Variants in CREB5 observed in about 807,000 individuals in gnomAD.
CREB5 encodes the protein cyclic AMP-responsive element-binding protein 5.
CREB5 carries 19 observed loss-of-function variants against 57.1 expected under a neutral mutation model. The ratio of observed to expected loss-of-function variants is 0.33; its 90% CI spans 0.23 to 0.49. The LOEUF is 0.49. Among genes scored for constraint, CREB5 ranks in the 20% least tolerant of loss-of-function variants. The probability of loss-of-function intolerance (pLI) is 0.99; values close to 1 mark genes in which losing one functional copy is unlikely to be tolerated. For missense variants in CREB5, 579 were observed against 671.6 expected (o/e 0.86, Z 1.52); for synonymous variants, 238 against 238.3 (o/e 1.00, Z 0.01).
At chr7:28,551,665 C>CGAGACCTGACCAAGGTTGCTTGGTGA (rs1554342047) in intron 4 of CREB5, among the ~76,000 whole-genome samples, 1 of 152,090 alleles carries the variant, frequency 6.6e-6, no homozygotes. Context: ...TGAGTGGTCC[C>CGAGACCTGACCAAGGTTGCTTGGTGA]GAGACCTGAC....
At chr7:28,496,563 C>A (rs758612752) in intron 3 of CREB5, among the ~76,000 whole-genome samples, 5 of 152,114 alleles carry the variant, frequency 3.3e-5, no homozygotes, top group African/African-American at 4.8e-5. Flanking sequence ...GATGAGGGCC[C>A]TTGATCCTGC....
intron 4 of CREB5, among the ~76,000 whole-genome samples, chr7:28,508,420 T>C (rs544577316): frequency 6.6e-6 from 1 of 152,356 alleles, no homozygotes; most frequent in African/African-American, 2.4e-5. Flanking sequence ...TACAGCATTA[T>C]TGAATGCCCA....
At chr7:28,697,124 C>T (rs575157961) in intron 5 of CREB5, among the ~76,000 whole-genome samples, 17 of 152,030 alleles carry the variant, frequency 1.1e-4, no homozygotes, top group Middle Eastern at 3.4e-3. Context: ...ATTTTTACTG[C>T]GTATAACATT....
At chr7:28,326,208 T>C (rs201908549) in intron 1 of CREB5, among the ~76,000 whole-genome samples, 46 of 120,062 alleles carry the variant, frequency 3.8e-4, no homozygotes, top group Admixed American at 2.3e-3. Context: ...TATCTATCTA[T>C]CTACCTATCT....
chr7:28,677,181 T>C (rs1455501788), intron 5 of CREB5, among the ~76,000 whole-genome samples: 2 of 152,218 alleles, frequency 1.3e-5, no homozygotes, highest in Non-Finnish European at 2.9e-5. Context: ...ATATATTTTT[T>C]TCATTTACGT....
intron 1 of CREB5, among the ~76,000 whole-genome samples, chr7:28,441,799 G>T (rs921679610): frequency 1.3e-5 from 2 of 152,078 alleles, no homozygotes; most frequent in Admixed American, 1.3e-4. Flanking sequence ...TATAAGTCAA[G>T]CTCTTTATGG....
chr7:28,351,527 A>G (rs563781386), intron 1 of CREB5, among the ~76,000 whole-genome samples: 1 of 152,316 alleles, frequency 6.6e-6, no homozygotes, highest in South Asian at 2.1e-4. Context: ...CTTCCCATCT[A>G]TTAATGAGCA....
chr7:28,330,218 C>T (rs995923044), intron 1 of CREB5, among the ~76,000 whole-genome samples: 4 of 152,142 alleles, frequency 2.6e-5, no homozygotes, highest in Admixed American at 6.5e-5. Flanking sequence ...TCCTTGGTAT[C>T]GTACATTGGC....
chr7:28,576,717 T>C (rs1178869212), intron 5 of CREB5, among the ~76,000 whole-genome samples: 1 of 152,246 alleles, frequency 6.6e-6, no homozygotes, highest in Non-Finnish European at 1.5e-5. Context: ...CCAAATGCAA[T>C]TCAACTTCCA....
intron 2 of CREB5, among the ~76,000 whole-genome samples, chr7:28,489,712 C>T (rs1330965944): frequency 6.6e-6 from 1 of 152,204 alleles, no homozygotes; most frequent in Non-Finnish European, 1.5e-5. Flanking sequence ...CAACCACTAA[C>T]TGAACAACCA....
At chr7:28,434,304 A>G (rs1788851547) in intron 1 of CREB5, among the ~76,000 whole-genome samples, 1 of 152,194 alleles carries the variant, frequency 6.6e-6, no homozygotes, top group Non-Finnish European at 1.5e-5. Context: ...TGAAAATGTA[A>G]TTACTAATTA....
rs562772850 is a variant in CREB5 at position 28,415,440 on chromosome 7, C to G, written c.3+2523C>G. Among the ~76,000 whole-genome samples, 3 of 152,178 alleles carry G rather than the reference C, an allele frequency of 2.0e-5. No homozygotes were observed. In the South Asian group the frequency reaches 6.2e-4, roughly 31 times the overall value. On this transcript the variant is annotated intron_variant, in intron 1 of 10. Transcript: ENST00000357727. ...GCATAACCTATGACTTTGTATCCTT[C>G]ACTCTTTTCAAGCCTTTTGATGACT... is the stretch of plus-strand genomic sequence containing the variant.
At chr7:28,552,700 C>T (rs958888112) in intron 4 of CREB5, among the ~76,000 whole-genome samples, 1 of 152,052 alleles carries the variant, frequency 6.6e-6, no homozygotes, top group African/African-American at 2.4e-5. Flanking sequence ...GCTTCACTGG[C>T]AGAAAGGAAT....
chr7:28,314,521 G>A (rs939829904), intron 1 of CREB5, among the ~76,000 whole-genome samples: 1 of 152,102 alleles, frequency 6.6e-6, no homozygotes, highest in Non-Finnish European at 1.5e-5. Flanking sequence ...TTCATTGTCT[G>A]GTCAAAACCA....
intron 4 of CREB5, among the ~76,000 whole-genome samples, chr7:28,547,594 A>G (rs1207034692): frequency 1.3e-5 from 2 of 152,192 alleles, no homozygotes; most frequent in Non-Finnish European, 1.5e-5. Flanking sequence ...TTTAAATGCT[A>G]ATCACATCTA....
intron 5 of CREB5, among the ~76,000 whole-genome samples, chr7:28,660,081 G>C (rs1799538917): frequency 6.6e-6 from 1 of 152,190 alleles, no homozygotes; most frequent in Non-Finnish European, 1.5e-5. Context: ...GCATTGAAAT[G>C]AGCTGAGATG....
rs1254622589 is a variant in CREB5 at position 28,673,600 on chromosome 7, TCAAAA to T, written c.465-45152_465-45148del. 3.3e-5 allele frequency among the ~76,000 whole-genome samples: 5 copies of T among 152,056 alleles called. No individual in the cohort carries two copies. The East Asian group carries it at 9.7e-4, about 29-fold the overall frequency. On this transcript the variant is annotated intron_variant, in intron 5 of 10. Transcript: ENST00000357727. ...TTAGTTTTATCCTTTTTGCCAAGTT[TCAAAA>T]GTGGTAATGAATAAAGCAGAGCCCG...
intron 1 of CREB5, among the ~76,000 whole-genome samples, chr7:28,403,385 T>C (rs1401006550): frequency 2.0e-5 from 3 of 152,338 alleles, no homozygotes; most frequent in Admixed American, 6.5e-5. Context: ...TGAATTATTT[T>C]ATTAAATTCT....
chr7:28,449,760 T>G (rs1789696840), intron 1 of CREB5, among the ~76,000 whole-genome samples: 1 of 152,232 alleles, frequency 6.6e-6, no homozygotes, highest in South Asian at 2.1e-4. Context: ...AGAATATTCC[T>G]AACGTCAATG....
Sources: allele counts gnomAD v4.1 joint callset (sites outside exome capture counted in the v4.1 genomes callset), GRCh38; gene constraint gnomAD v4.1.1; transcripts MANE v1.5; gene names NCBI Gene and HGNC (gene_info 2026-07-23, HGNC 2026-07-21).